The following DGKD variants were observed in gnomAD, a reference collection of about 807,000 sequenced individuals.
The protein encoded by DGKD is diacylglycerol kinase delta.
Under a neutral mutation model 154.4 loss-of-function variants are expected in DGKD, and 68 were observed. The observed-to-expected ratio is 0.44, with a 90% CI of 0.36 to 0.54. The LOEUF (loss-of-function observed/expected upper bound fraction) is 0.54. Ranked by LOEUF, DGKD falls within the 20% of genes least tolerant of loss-of-function variation. The pLI is 0.00. For missense variants in DGKD, 1,343 were observed against 1,593.6 expected (o/e 0.84, Z 2.68); for synonymous variants, 693 against 638.0 (o/e 1.09, Z -1.30).
chr2:233,441,447 C>A lies in DGKD; in HGVS notation c.1086-440C>A, dbSNP rs1051955085. ...GACTGAGGGTGCAGGGTGATGCAGG[C>A]AGCCCAGAGGGCATGCTGGGAAGGC... On this transcript the variant is annotated intron_variant, in intron 9 of 29. Transcript: ENST00000264057. This position sits in a 1 kb window ranked among gnomAD's most constrained non-coding sequence, Gnocchi z 5.6. 6.6e-6 allele frequency among the ~76,000 whole-genome samples: 1 copy of A among 152,138 alleles called. No homozygotes were observed. Among genetic ancestry groups the A allele is most frequent in the Admixed American group, 6.5e-5 (1 of 15,274 alleles).
At chr2:233,392,578 C>T (rs1379732448) in intron 3 of DGKD, among the ~76,000 whole-genome samples, 1 of 151,974 alleles carries the variant, frequency 6.6e-6, no homozygotes, top group Non-Finnish European at 1.5e-5. Context: ...TAAACCAACC[C>T]CATAAAATTC....
rs1356539257 is a variant in DGKD, at chr2:233,395,667, T to C, written c.348+5184T>C. ...CTTCCTTTCTTTCCTTTTTCCTTTTTTTTTTTTAATTTAAATTTAAGAGAC... is the reference window on the plus strand; with the variant it reads ...CTTCCTTTCTTTCCTTTTTCCTTTTCTTTTTTTAATTTAAATTTAAGAGAC... On this transcript the variant is annotated intron_variant, in intron 3 of 29. Coordinates refer to ENST00000264057, the MANE Select transcript of DGKD (RefSeq NM_152879.3). 1.1e-4 allele frequency among the ~76,000 whole-genome samples: 17 copies of C among 150,998 alleles called. No homozygotes were observed. The South Asian group carries it at 2.3e-3, about 21-fold the overall frequency.
intron 3 of DGKD, among the ~76,000 whole-genome samples, chr2:233,420,314 G>A (rs568349073): frequency 2.2e-4 from 33 of 151,946 alleles, no homozygotes; most frequent in Non-Finnish European, 4.1e-4. Flanking sequence ...CTCTAGTTCT[G>A]GCTTGGGCAT....
rs367994387 is a variant in DGKD at position 233,438,758 on chromosome 2, C to T, written c.1085+379C>T. ...TTTTATTTATCTGTCTATCTATCAT[C>T]TATCTATCTATCTATCTATCTATCT... On this transcript the variant is annotated intron_variant, in intron 9 of 29. Transcript: ENST00000264057. This position sits in a 1 kb window ranked among gnomAD's most constrained non-coding sequence, Gnocchi z 4.1. Among the ~76,000 whole-genome samples, 5,302 of 24,790 alleles carry T rather than the reference C, an allele frequency of 0.21. 123 individuals are homozygous for T. The highest frequency in any genetic ancestry group is 0.33 in the South Asian group (193 of 592). The allele number at this position is 24,790 out of a possible 152,430, so 16.3% of individuals were successfully genotyped here.
At chr2:233,429,802 C>T (rs911140570) in intron 3 of DGKD, among the ~76,000 whole-genome samples, 3 of 152,262 alleles carry the variant, frequency 2.0e-5, no homozygotes, top group African/African-American at 7.2e-5. Context: ...TCTCCCAGCT[C>T]TGCTGCTTCC....
At chr2:233,463,481 G>C (rs1257507991) in intron 26 of DGKD, among the ~76,000 whole-genome samples, 632 of 48,088 alleles carry the variant, frequency 0.013, 9 homozygotes, top group African/African-American at 0.044. Context: ...CTGCACGCAT[G>C]TCCTCACTGC....
At chr2:233,395,703 C>CT (rs1703975494) in intron 3 of DGKD, among the ~76,000 whole-genome samples, 2 of 142,306 alleles carry the variant, frequency 1.4e-5, no homozygotes, top group Non-Finnish European at 3.0e-5. Context: ...AGGTCTTACT[C>CT]TGTCGCCCGG....
rs1410052898 is a variant in DGKD at position 233,468,514 on chromosome 2, G to T, written c.3516G>T (p.Arg1172=). 2 of 1,613,598 alleles carry T rather than the reference G, an allele frequency of 1.2e-6. No homozygotes were observed. The highest frequency in any genetic ancestry group is 1.7e-6 in the Non-Finnish European group (2 of 1,179,966). ...YKDIFTRHDI[R]GSELLHLERR... is the part of the protein sequence containing the mutation. ...ACATCTTCACACGGCACGACATCCG[G>T]GGCTCTGAGCTCCTGCACCTGGAGC... is the stretch of plus-strand genomic sequence containing the variant. Residue 1172 remains arginine, a synonymous_variant, in exon 29 of 30, where the codon CGG becomes CGT. Coordinates refer to ENST00000264057, the MANE Select transcript of DGKD (RefSeq NM_152879.3).
Position 233,457,361 on chromosome 2 carries a change from C to A in DGKD, c.2580+33C>A. 1 of 1,484,034 alleles carries A rather than the reference C, an allele frequency of 6.7e-7. No homozygotes were observed. Among genetic ancestry groups the A allele is most frequent in the Non-Finnish European group, 9.3e-7 (1 of 1,069,688 alleles). 91.9% of individuals were successfully genotyped at this position (1,484,034 alleles called of 1,614,324 possible). On this transcript the variant is annotated intron_variant, in intron 21 of 29. Transcript: ENST00000264057. The surrounding 1 kb of genome is among the most constrained non-coding windows in gnomAD (Gnocchi z 5.5). ...TGGGGTGTGAGCGGGTGGGCCTGAGCTCAGTGGGGAAGAGCTGTCTGAGAG... is the reference window on the plus strand; with the variant it reads ...TGGGGTGTGAGCGGGTGGGCCTGAGATCAGTGGGGAAGAGCTGTCTGAGAG...
intron 1 of DGKD, among the ~76,000 whole-genome samples, chr2:233,385,516 TTTG>T (rs1703124858): frequency 6.6e-6 from 1 of 152,290 alleles, no homozygotes; most frequent in South Asian, 2.1e-4. Context: ...AGTTGGCCCT[TTTG>T]TTTGTGCATA....
intron 1 of DGKD, among the ~76,000 whole-genome samples, chr2:233,358,077 G>T (rs910933574): frequency 1.3e-5 from 2 of 152,308 alleles, no homozygotes; most frequent in South Asian, 4.1e-4. Context: ...GCTCTTTAGA[G>T]TTGAAGCTGT....
intron 1 of DGKD, among the ~76,000 whole-genome samples, chr2:233,357,942 C>T (rs1240273147): frequency 6.6e-6 from 1 of 152,172 alleles, no homozygotes; most frequent in Non-Finnish European, 1.5e-5. Context: ...AGAAGCCTCT[C>T]CAAACTTCAA....
In DGKD at chr2:233,464,206, G is replaced by A. The variant is rs755613767; in HGVS notation, c.3229G>A (p.Ala1077Thr). 2.5e-6 allele frequency: 4 copies of A among 1,613,518 alleles called. No homozygotes were observed. In the African/African-American group the frequency reaches 5.3e-5, roughly 22 times the overall value. The change falls in exon 27 of 30, where the codon GCC becomes ACC. Residue 1077 changes from alanine to threonine, a missense_variant. By Grantham distance (58) the Ala-to-Thr change is moderately conservative (BLOSUM62 0). Transcript: ENST00000264057. Reference protein sequence around the residue: ...PQKEQLGSALAEMDRQLRRLA... With the variant: ...PQKEQLGSALTEMDRQLRRLA... ...GAAGGAGCAGCTGGGGAGTGCTCTT[G>A]CCGAGATGGACCGACAGCTCAGGAG...
At position 233,454,623 on chromosome 2, in the gene DGKD, T is replaced by A. The variant is rs1273175924; in HGVS notation, c.2265-140T>A. On this transcript the variant is annotated intron_variant, in intron 18 of 29. Coordinates refer to ENST00000264057, the MANE Select transcript of DGKD (RefSeq NM_152879.3). ...TTAAATTGGTAAATTATCTAGTGTA[T>A]ATCTTAATAAATCTCTTAGCAGACA... 2.9e-5 allele frequency: 18 copies of A among 612,574 alleles called. No individual in the cohort carries two copies. The East Asian group carries it at 3.6e-4, about 12-fold the overall frequency. 37.9% of individuals were successfully genotyped at this position (612,574 alleles called of 1,614,324 possible).
intron 1 of DGKD, among the ~76,000 whole-genome samples, chr2:233,359,997 A>G (rs1701707479): frequency 6.6e-6 from 1 of 152,206 alleles, no homozygotes; most frequent in Admixed American, 6.5e-5. Context: ...AGTAGGGAGC[A>G]GTGCCTTCTG....
chr2:233,356,083 AAC>A (rs1021092845), intron 1 of DGKD, among the ~76,000 whole-genome samples: 1 of 152,182 alleles, frequency 6.6e-6, no homozygotes, highest in African/African-American at 2.4e-5. Flanking sequence ...GTGCCGCGGA[AAC>A]TCGGGGCAGA....
At position 233,464,218 on chromosome 2, in the gene DGKD, C is replaced by T. The variant is rs1336381244; in HGVS notation, c.3241C>T (p.Arg1081Ter). 2 of 1,613,682 alleles carry T rather than the reference C, an allele frequency of 1.2e-6. No homozygotes were observed. Among genetic ancestry groups the T allele is most frequent in the Non-Finnish European group, 1.7e-6 (2 of 1,180,038 alleles). The change falls in exon 27 of 30, where the codon CGA (arginine) becomes TGA (stop). Residue 1081 changes from arginine (R) to a stop codon, truncating the protein, a stop_gained. Coordinates refer to ENST00000264057, the MANE Select transcript of DGKD (RefSeq NM_152879.3). LOFTEE classifies it high-confidence loss of function. The part of the protein sequence containing the change: ...QLGSALAEMD[R>*]QLRRLADTPW... ...GGGGAGTGCTCTTGCCGAGATGGACCGACAGCTCAGGAGGCTGGCAGACAC... is the reference window on the plus strand; with the variant it reads ...GGGGAGTGCTCTTGCCGAGATGGACTGACAGCTCAGGAGGCTGGCAGACAC...
intron 1 of DGKD, among the ~76,000 whole-genome samples, chr2:233,381,034 G>A (rs1199700892): frequency 6.6e-6 from 1 of 152,210 alleles, no homozygotes; most frequent in Non-Finnish European, 1.5e-5. Context: ...TTTTCCATGA[G>A]TTGGTGTTTT....
At chr2:233,418,832 G>A (rs142344613) in intron 3 of DGKD, among the ~76,000 whole-genome samples, 180 of 152,320 alleles carry the variant, frequency 1.2e-3, no homozygotes, top group African/African-American at 4.0e-3. Context: ...ACAGGGCAGC[G>A]TGCAGAGCTG....
Sources: gnomAD v4.1 joint callset for allele counts (sites outside exome capture counted in the v4.1 genomes callset) on GRCh38, gnomAD v4.1.1 for gene constraint, Gnocchi (gnomAD v3.1) non-coding constraint, MANE v1.5 for transcripts, NCBI Gene and HGNC (gene_info 2026-07-23, HGNC 2026-07-21) for gene names.